Variants in CSMD1 observed in about 807,000 individuals in gnomAD.
CSMD1 encodes the protein CUB and sushi domain-containing protein 1.
CSMD1 carries 213 observed loss-of-function variants against 417.5 expected under a neutral mutation model. The observed-to-expected ratio is 0.51, with a 90% CI of 0.46 to 0.57. The LOEUF is 0.57. Among genes scored for constraint, CSMD1 ranks in the 20% least tolerant of loss-of-function variants. The probability of loss-of-function intolerance (pLI) is 0.00; values close to 1 mark genes in which losing one functional copy is unlikely to be tolerated. For missense variants in CSMD1, 6,923 were observed against 4,529.7 expected (o/e 1.53, Z -15.17); for synonymous variants, 2,862 against 1,736.8 (o/e 1.65, Z -16.11).
intron 22 of CSMD1, among the ~76,000 whole-genome samples, chr8:3,347,335 G>T (rs559361937): frequency 1.3e-5 from 2 of 152,274 alleles, no homozygotes; most frequent in African/African-American, 4.8e-5. Context: ...ATTATATCAG[G>T]ACTCTTAGAA....
chr8:3,734,444 C>T (rs531657981), intron 6 of CSMD1, among the ~76,000 whole-genome samples: 2 of 152,326 alleles, frequency 1.3e-5, no homozygotes. Context: ...GGTGCGATGG[C>T]TCACGCCTGT....
chr8:3,483,452 A>C (rs2117254148), intron 11 of CSMD1, among the ~76,000 whole-genome samples: 1 of 152,200 alleles, frequency 6.6e-6, no homozygotes, highest in Non-Finnish European at 1.5e-5. Context: ...AGACAATCTA[A>C]ATAGTCCTTT....
chr8:4,476,699 C>T (rs1012556728), intron 2 of CSMD1, among the ~76,000 whole-genome samples: 6 of 152,100 alleles, frequency 3.9e-5, no homozygotes, highest in Admixed American at 6.5e-5. Flanking sequence ...GTTCAAGTCC[C>T]GATTTCACCA....
At chr8:4,133,529 C>A (rs536716344) in intron 3 of CSMD1, among the ~76,000 whole-genome samples, 2 of 152,108 alleles carry the variant, frequency 1.3e-5, no homozygotes, top group African/African-American at 4.8e-5. Context: ...TCTACTTTTC[C>A]TTCTCCTCCT....
At chr8:4,384,179 C>A (rs1044891001) in intron 3 of CSMD1, among the ~76,000 whole-genome samples, 4 of 152,186 alleles carry the variant, frequency 2.6e-5, no homozygotes, top group South Asian at 2.1e-4. Flanking sequence ...CTAAGAAAGA[C>A]ATCCTGCTCA....
At chr8:3,292,645 G>A (rs1455710048) in intron 25 of CSMD1, among the ~76,000 whole-genome samples, 2 of 152,046 alleles carry the variant, frequency 1.3e-5, no homozygotes, top group Admixed American at 6.5e-5. Context: ...GACTAGGATG[G>A]CAACCCCTGC....
At chr8:3,800,121 T>C (rs112883381) in intron 5 of CSMD1, among the ~76,000 whole-genome samples, 8,887 of 152,226 alleles carry the variant, frequency 0.058, 348 homozygotes, top group Middle Eastern at 0.092. Context: ...TATATGGCGC[T>C]ATTTATATTG....
intron 54 of CSMD1, among the ~76,000 whole-genome samples, chr8:2,984,911 G>C (rs964473754): frequency 2.0e-5 from 3 of 152,146 alleles, no homozygotes; most frequent in South Asian, 2.1e-4. Context: ...ACATCACCTG[G>C]ACAAGAGGTT....
At chr8:4,127,045 G>T (rs985358018) in intron 3 of CSMD1, among the ~76,000 whole-genome samples, 2 of 151,480 alleles carry the variant, frequency 1.3e-5, no homozygotes, top group East Asian at 3.9e-4. Flanking sequence ...CAAAATCATA[G>T]TTCAAGTTTT....
At position 3,788,327 on chromosome 8, in the gene CSMD1, G is replaced by A. The variant is rs549604702; in HGVS notation, c.819-34285C>T. On this transcript the variant is annotated intron_variant, in intron 5 of 69. Transcript: ENST00000635120. ...TAAAATGCATAATAAATTAAGGGATGGGCTTTAGGTACCCTGAGGTGTGCA... is the reference window on the plus strand; with the variant it reads ...TAAAATGCATAATAAATTAAGGGATAGGCTTTAGGTACCCTGAGGTGTGCA... 3.9e-5 allele frequency among the ~76,000 whole-genome samples: 6 copies of A among 152,232 alleles called. No homozygotes were observed. The South Asian group carries it at 1.0e-3, about 26-fold the overall frequency.
At chr8:4,399,069 C>T (rs1585014834) in intron 3 of CSMD1, among the ~76,000 whole-genome samples, 1 of 152,164 alleles carries the variant, frequency 6.6e-6, no homozygotes. Flanking sequence ...TCGTAACATT[C>T]ACTAGCTGGT....
At chr8:4,191,624 A>G (rs181117487) in intron 3 of CSMD1, among the ~76,000 whole-genome samples, 90 of 152,194 alleles carry the variant, frequency 5.9e-4, no homozygotes, top group Non-Finnish European at 1.1e-3. Flanking sequence ...AAAGAAAACT[A>G]CAAGATACAT....
chr8:3,184,845 C>G (rs1180635913), intron 36 of CSMD1, among the ~76,000 whole-genome samples: 1 of 152,144 alleles, frequency 6.6e-6, no homozygotes, highest in Non-Finnish European at 1.5e-5. Flanking sequence ...TATCCGGACC[C>G]TTAAATTTTA....
intron 3 of CSMD1, among the ~76,000 whole-genome samples, chr8:4,370,677 G>C (rs779159984): frequency 1.4e-4 from 21 of 152,172 alleles, no homozygotes; most frequent in Non-Finnish European, 2.4e-4. Context: ...CTTCAAAGGA[G>C]TGGTGTTCAA....
intron 5 of CSMD1, among the ~76,000 whole-genome samples, chr8:3,810,375 G>T (rs981799663): frequency 6.6e-6 from 1 of 152,116 alleles, no homozygotes; most frequent in Non-Finnish European, 1.5e-5. Flanking sequence ...ATGGGATTTG[G>T]GAAATATGGT....
intron 22 of CSMD1, among the ~76,000 whole-genome samples, chr8:3,345,535 G>A (rs571607633): frequency 4.6e-5 from 7 of 152,130 alleles, no homozygotes; most frequent in Non-Finnish European, 7.4e-5. Context: ...CTTGATTTCT[G>A]ATTCCAATTG....
chr8:4,278,962 C>G (rs1274613989), intron 3 of CSMD1, among the ~76,000 whole-genome samples: 1 of 152,166 alleles, frequency 6.6e-6, no homozygotes, highest in Non-Finnish European at 1.5e-5. Context: ...AACATTATGT[C>G]CATATATGAA....
chr8:4,091,263 AAAT>A (rs1368465162), intron 3 of CSMD1, among the ~76,000 whole-genome samples: 8 of 152,196 alleles, frequency 5.3e-5, no homozygotes, highest in Non-Finnish European at 8.8e-5. Flanking sequence ...AATTAGAAAA[AAAT>A]AATAATCTAA....
Position 3,087,965 on chromosome 8 carries a change from A to G in CSMD1, c.7286-680T>C, listed in dbSNP as rs138557071. On this transcript the variant is annotated intron_variant, in intron 48 of 69. Transcript: ENST00000635120. ...AACATTTTCTTAATCAAGGCCATTA[A>G]TTTCTTTCCTTTTGACTGTTCAGTG... 4.0e-3 allele frequency among the ~76,000 whole-genome samples: 602 copies of G among 152,310 alleles called. 4 individuals carry two copies. The highest frequency in any genetic ancestry group is 0.014 in the African/African-American group (566 of 41,594).
Sources: gnomAD v4.1 joint callset for allele counts (sites outside exome capture counted in the v4.1 genomes callset) on GRCh38, gnomAD v4.1.1 for gene constraint, MANE v1.5 for transcripts, NCBI Gene and HGNC (gene_info 2026-07-23, HGNC 2026-07-21) for gene names.